GLIS3: variants seen among roughly 807,000 people sequenced by gnomAD.
GLIS3 encodes zinc finger protein GLIS3.
In GLIS3, 53 loss-of-function variants were observed where a neutral mutation model predicts 78.6. The observed-to-expected ratio is 0.67, with a 90% confidence interval of 0.54 to 0.85. GLIS3 has a LOEUF of 0.85. Among genes scored for constraint, GLIS3 ranks in the 40% least tolerant of loss-of-function variants. GLIS3 has a pLI of 0.00. For synonymous variants in GLIS3, 684 were observed against 509.9 expected (o/e 1.34, Z -4.60); for missense variants, 1,703 against 1,231.1 (o/e 1.38, Z -5.74).
At chr9:4,477,589 T>G in the GLIS3 span, among the ~76,000 whole-genome samples, 426 of 152,232 alleles carry the variant, frequency 2.8e-3, 1 homozygote, top group African/African-American at 9.3e-3. Flanking sequence ...AATTTTTGTA[T>G]TTTTTGTAGA....
chr9:3,856,861 A>G (rs559935177), intron 8 of GLIS3, among the ~76,000 whole-genome samples: 1 of 152,246 alleles, frequency 6.6e-6, no homozygotes, highest in South Asian at 2.1e-4. Flanking sequence ...CAGTAAGACT[A>G]TTGGTGGTTT....
the GLIS3 span, among the ~76,000 whole-genome samples, chr9:4,413,706 C>T: frequency 1.3e-5 from 2 of 152,078 alleles, no homozygotes; most frequent in Non-Finnish European, 2.9e-5. Context: ...CTCCCTAACA[C>T]GGGGGACTCA....
At chr9:3,913,906 G>A (rs1489644149) in intron 6 of GLIS3, among the ~76,000 whole-genome samples, 1 of 152,186 alleles carries the variant, frequency 6.6e-6, no homozygotes, top group African/African-American at 2.4e-5. Flanking sequence ...GGGAATGTGT[G>A]AACAAGTAAA....
At chr9:3,851,836 GT>G (rs1394826044) in intron 9 of GLIS3, among the ~76,000 whole-genome samples, 7 of 152,156 alleles carry the variant, frequency 4.6e-5, no homozygotes, top group African/African-American at 1.7e-4. Context: ...TTAGAAACAT[GT>G]TTTTGATTAA....
chr9:4,049,850 CTCA>C (rs1825575894), intron 4 of GLIS3, among the ~76,000 whole-genome samples: 1 of 152,138 alleles, frequency 6.6e-6, no homozygotes, highest in African/African-American at 2.4e-5. Context: ...TGAAAAAATG[CTCA>C]TCATCACTGG....
intron 2 of GLIS3, among the ~76,000 whole-genome samples, chr9:4,285,014 A>T (rs1398668457): frequency 6.6e-5 from 10 of 152,208 alleles, no homozygotes; most frequent in Admixed American, 6.5e-4. Context: ...ACAGAAATAC[A>T]CAGACTCTAA....
intron 8 of GLIS3, among the ~76,000 whole-genome samples, chr9:3,870,732 C>T (rs1820920499): frequency 6.6e-6 from 1 of 152,222 alleles, no homozygotes; most frequent in East Asian, 1.9e-4. Context: ...TCCCACAACA[C>T]ATGGGAATTA....
At chr9:3,991,683 A>AATTTGTTTTTTTT (rs1265317427) in intron 4 of GLIS3, among the ~76,000 whole-genome samples, 1 of 87,912 alleles carries the variant, frequency 1.1e-5, no homozygotes, top group African/African-American at 5.3e-5. Context: ...AAGTAGGCTG[A>AATTTGTTTTTTTT]TTTTTTTTTT....
chr9:3,827,873 T>G lies in GLIS3; in HGVS notation c.*399A>C, dbSNP rs1170784163. The G allele has an allele frequency of 3.2e-6, 1 of 310,878 alleles. No individual in the cohort carries two copies. The highest frequency in any genetic ancestry group is 8.2e-5 in the East Asian group (1 of 12,262). 19.3% of individuals were successfully genotyped at this position (310,878 alleles called of 1,614,324 possible). ...GAGGATTAGGTGAGGCAGGTCACTA[T>G]GCCTCTCGTAATTGAGGTCTTTTTC... On this transcript the variant is annotated 3_prime_UTR_variant, in exon 11 of 11. Coordinates refer to ENST00000381971, the MANE Select transcript of GLIS3 (RefSeq NM_001042413.2).
chr9:4,156,841 T>A (rs746937594), intron 2 of GLIS3, among the ~76,000 whole-genome samples: 27 of 152,104 alleles, frequency 1.8e-4, no homozygotes, highest in Non-Finnish European at 3.2e-4. Context: ...AAATGCCCTC[T>A]CCCAGCTTAG....
the GLIS3 span, among the ~76,000 whole-genome samples, chr9:4,381,714 T>C: frequency 6.6e-6 from 1 of 152,224 alleles, no homozygotes; most frequent in Non-Finnish European, 1.5e-5. Flanking sequence ...TTTCACCTTA[T>C]TCCATCCTGT....
intron 2 of GLIS3, among the ~76,000 whole-genome samples, chr9:4,205,126 A>G (rs993330289): frequency 2.7e-5 from 4 of 150,472 alleles, no homozygotes; most frequent in African/African-American, 9.8e-5. Context: ...CAGTGAGCTG[A>G]GATCACCCCA....
intron 2 of GLIS3, among the ~76,000 whole-genome samples, chr9:4,258,933 A>G (rs1411426386): frequency 6.6e-6 from 1 of 152,190 alleles, no homozygotes; most frequent in Non-Finnish European, 1.5e-5. Flanking sequence ...TCGTATTTAT[A>G]AACACAGTTT....
intron 9 of GLIS3, among the ~76,000 whole-genome samples, chr9:3,844,070 C>G (rs1018025937): frequency 6.6e-6 from 1 of 152,130 alleles, no homozygotes; most frequent in Admixed American, 6.5e-5. Context: ...CGTAAACCAA[C>G]GAGAAATTTT....
intron 2 of GLIS3, among the ~76,000 whole-genome samples, chr9:4,257,258 G>A (rs915859954): frequency 1.3e-5 from 2 of 152,082 alleles, no homozygotes; most frequent in Admixed American, 6.6e-5. Context: ...AATAGTGCAT[G>A]ATCTCATATG....
At chr9:3,870,666 T>C (rs1820914883) in intron 8 of GLIS3, among the ~76,000 whole-genome samples, 1 of 152,272 alleles carries the variant, frequency 6.6e-6, no homozygotes, top group Non-Finnish European at 1.5e-5. Flanking sequence ...TTCACTACCA[T>C]GAGAACAGTA....
At chr9:4,150,778 T>C (rs1834617910) in intron 2 of GLIS3, among the ~76,000 whole-genome samples, 1 of 152,138 alleles carries the variant, frequency 6.6e-6, no homozygotes, top group African/African-American at 2.4e-5. Context: ...AAAATTCAAG[T>C]CCAGAGATGT....
chr9:3,978,619 T>C (rs900071248), intron 4 of GLIS3, among the ~76,000 whole-genome samples: 3 of 152,006 alleles, frequency 2.0e-5, no homozygotes, highest in Middle Eastern at 3.2e-3. Context: ...ATGTTATGTG[T>C]ATATGTGTGT....
the GLIS3 span, among the ~76,000 whole-genome samples, chr9:4,391,270 C>T: frequency 6.6e-6 from 1 of 152,174 alleles, no homozygotes; most frequent in Non-Finnish European, 1.5e-5. Flanking sequence ...AAGAGCCTGC[C>T]TCCAGGTTTC....
Sources: gnomAD v4.1 joint callset for allele counts (sites outside exome capture counted in the v4.1 genomes callset) on GRCh38, gnomAD v4.1.1 for gene constraint, MANE v1.5 for transcripts, NCBI Gene and HGNC (gene_info 2026-07-23, HGNC 2026-07-21) for gene names.